Variants in EML5 observed in about 807,000 individuals in gnomAD.
EML5 encodes the protein EMAP like 5, also known as echinoderm microtubule-associated protein-like 5.
Under a neutral mutation model 250.0 loss-of-function variants are expected in EML5, and 120 were observed. The observed-to-expected ratio is 0.48, with a 90% CI of 0.41 to 0.56. The LOEUF is 0.56. Among genes scored for constraint, EML5 ranks in the 20% least tolerant of loss-of-function variants. The pLI, the probability that EML5 is intolerant of heterozygous loss-of-function variation, is 0.00. For synonymous variants in EML5, 771 were observed against 806.5 expected, an observed-to-expected ratio of 0.96 and a Z score of 0.75; for missense variants, 2,006 against 2,437.6, an observed-to-expected ratio of 0.82 and a Z score of 3.73.
intron 33 of EML5, among the ~76,000 whole-genome samples, chr14:88,628,260 T>G (rs1341419362): frequency 6.6e-6 from 1 of 152,022 alleles, no homozygotes; most frequent in Non-Finnish European, 1.5e-5. Flanking sequence ...CAGACACAAA[T>G]AGACAAAGGC....
rs976735096 is a variant in EML5 at position 88,612,899 on chromosome 14, C to T, written c.*2919G>A. ...TGGTGTATAGTGTTAAAAATTAAAG[C>T]TTAAAAGGTGGTTAGAAAAGTGGAT... On this transcript the variant is annotated 3_prime_UTR_variant, in exon 44 of 44. Transcript: ENST00000554922. 2.0e-5 allele frequency: 3 copies of T among 151,340 alleles called. No homozygotes were observed. The highest frequency in any genetic ancestry group is 7.3e-5 in the African/African-American group (3 of 41,014). 9.4% of individuals were successfully genotyped at this position (151,340 alleles called of 1,614,324 possible). A position where few individuals can be genotyped will look rare whatever the true frequency, so the allele number is the denominator to read the frequency against.
At chr14:88,709,462 G>A (rs1173365604) in intron 10 of EML5, among the ~76,000 whole-genome samples, 4 of 151,996 alleles carry the variant, frequency 2.6e-5, no homozygotes, top group Non-Finnish European at 5.9e-5. Context: ...GTTTGACAGA[G>A]GAGAAAACAC....
Position 88,690,188 on chromosome 14 carries a change from T to C in EML5, c.2540-1715A>G, listed in dbSNP as rs1389497495. ...GGGGAGACAGTAATGGGAAATGGGG[T>C]TGGAGAGGTCTAAGGCAGTACTGCA... On this transcript the variant is annotated intron_variant, in intron 17 of 43. Transcript: ENST00000554922. 3.3e-5 allele frequency among the ~76,000 whole-genome samples: 5 copies of C among 151,858 alleles called. No individual in the cohort carries two copies. The East Asian group carries it at 9.7e-4, about 29-fold the overall frequency.
At chr14:88,705,717 T>A (rs2093305683) in intron 11 of EML5, 129 bp from the exon 12 acceptor site, 1 of 723,066 alleles carries the variant, frequency 1.4e-6, no homozygotes, top group Non-Finnish European at 2.4e-6. Flanking sequence ...CAAATGAAAT[T>A]ACCTATTCAA....
intron 1 of EML5, among the ~76,000 whole-genome samples, chr14:88,777,356 G>T (rs1216620878): frequency 6.6e-6 from 1 of 152,138 alleles, no homozygotes; most frequent in East Asian, 1.9e-4. Flanking sequence ...CCCTCAACAT[G>T]AAGGAGAAAC....
rs930264048 is a variant in EML5, at chr14:88,704,056, G to A, written c.2051+804C>T. Among the ~76,000 whole-genome samples, 7 of 151,934 alleles carry A rather than the reference G, an allele frequency of 4.6e-5. No individual in the cohort carries two copies. In the East Asian group the frequency reaches 5.8e-4, roughly 13 times the overall value. On this transcript the variant is annotated intron_variant, in intron 13 of 43. Coordinates refer to ENST00000554922, the MANE Select transcript of EML5 (RefSeq NM_183387.3). ...GTAAGGTAGGTACTTGATATGATTC[G>A]GATATTTGTGCTGTCCAAATCCCAT...
chr14:88,695,029 A>G lies in EML5; in HGVS notation c.2438+332T>C, dbSNP rs543483281. Reference sequence around the variant, plus strand: ...TGCATATATATCTTTTTTCACTTTAATATATAATATAAGCATTTGAACATG... The same window carrying G: ...TGCATATATATCTTTTTTCACTTTAGTATATAATATAAGCATTTGAACATG... On this transcript the variant is annotated intron_variant, in intron 16 of 43. Coordinates refer to ENST00000554922, the MANE Select transcript of EML5 (RefSeq NM_183387.3). 8.5e-5 allele frequency among the ~76,000 whole-genome samples: 13 copies of G among 152,206 alleles called. No homozygotes were observed. In the South Asian group the frequency reaches 2.5e-3, roughly 29 times the overall value.
chr14:88,731,608 G>A lies in EML5; in HGVS notation c.1049+4756C>T, dbSNP rs1220930093. Among the ~76,000 whole-genome samples, 4 of 152,258 alleles carry A rather than the reference G, an allele frequency of 2.6e-5. No homozygotes were observed. The East Asian group carries it at 7.7e-4, about 29-fold the overall frequency. On this transcript the variant is annotated intron_variant, in intron 7 of 43. Transcript: ENST00000554922. ...CAGTAATGGGATGGCTGAGTGGAAT[G>A]GTATTTCTAGTTCTAGATCCTTGAG...
intron 8 of EML5, among the ~76,000 whole-genome samples, chr14:88,723,761 AC>A (rs1420492288): frequency 6.6e-6 from 1 of 152,216 alleles, no homozygotes; most frequent in African/African-American, 2.4e-5. Flanking sequence ...CTGGGGGGAC[AC>A]AAAAATAAAT....
chr14:88,641,086 C>G (rs1168652322), intron 31 of EML5, among the ~76,000 whole-genome samples: 1 of 152,040 alleles, frequency 6.6e-6, no homozygotes, highest in African/African-American at 2.4e-5. Context: ...AAATCTTAAA[C>G]AGACCAATAA....
chr14:88,646,603 T>C lies in EML5; in HGVS notation c.4028+344A>G, dbSNP rs982396724. ...TAATTTTTATCTATATAATCCTATA[T>C]AACAATTAACCACATTTTAATTTTT... On this transcript the variant is annotated intron_variant, in intron 29 of 43. Coordinates refer to ENST00000554922, the MANE Select transcript of EML5 (RefSeq NM_183387.3). Among the ~76,000 whole-genome samples, 2 of 152,172 alleles carry C rather than the reference T, an allele frequency of 1.3e-5. 1 individual carries two copies. The highest frequency in any genetic ancestry group is 3.8e-4 in the East Asian group (2 of 5,200).
intron 27 of EML5, among the ~76,000 whole-genome samples, chr14:88,653,064 G>A (rs1406592907): frequency 6.6e-6 from 1 of 152,136 alleles, no homozygotes; most frequent in African/African-American, 2.4e-5. Flanking sequence ...TGTAGCAGTT[G>A]TGAATGGGAG....
rs548838054 is a variant in EML5 at position 88,626,576 on chromosome 14, C to T, written c.4740+262G>A. ...AGGCTACAGTGAGCTATAATCGCAC[C>T]ATTGCACCCCAGCCCAGGCGACAGA... On this transcript the variant is annotated intron_variant, in intron 35 of 43. Coordinates refer to ENST00000554922, the MANE Select transcript of EML5 (RefSeq NM_183387.3). 1,097 of 430,664 alleles carry T rather than the reference C, an allele frequency of 2.5e-3. 23 individuals are homozygous for T. The South Asian group carries it at 0.027, about 11-fold the overall frequency. 26.7% of individuals were successfully genotyped at this position (430,664 alleles called of 1,614,324 possible). A position where few individuals can be genotyped will look rare whatever the true frequency, so the allele number is the denominator to read the frequency against.
chr14:88,755,172 T>C (rs1427175312), intron 1 of EML5, among the ~76,000 whole-genome samples: 2 of 152,234 alleles, frequency 1.3e-5, no homozygotes, highest in Non-Finnish European at 2.9e-5. Flanking sequence ...TCATAGAATA[T>C]GTGATAAACA....
At chr14:88,765,409 G>T (rs757062890) in intron 1 of EML5, among the ~76,000 whole-genome samples, 4 of 152,064 alleles carry the variant, frequency 2.6e-5, no homozygotes, top group African/African-American at 9.7e-5. Flanking sequence ...CCTCCTCAAG[G>T]CCAACTGCAT....
At chr14:88,747,893 C>A (rs1834029687) in intron 2 of EML5, among the ~76,000 whole-genome samples, 1 of 151,894 alleles carries the variant, frequency 6.6e-6, no homozygotes, top group African/African-American at 2.4e-5. Context: ...CCCCGACCCA[C>A]CCCTGCCATA....
At position 88,756,090 on chromosome 14, in the gene EML5, C is replaced by G. The variant is rs79599172; in HGVS notation, c.198-1419G>C. 8.9e-4 allele frequency among the ~76,000 whole-genome samples: 135 copies of G among 152,116 alleles called. 2 individuals are homozygous for G. In the East Asian group the frequency reaches 0.023, roughly 26 times the overall value. ...GGGAAGAGAGGGGTCTAAGATGACT[C>G]GGGTTTCTGGCTTGGGTATTTGAAT... is the stretch of plus-strand genomic sequence containing the variant. On this transcript the variant is annotated intron_variant, in intron 1 of 43. Coordinates refer to ENST00000554922, the MANE Select transcript of EML5 (RefSeq NM_183387.3).
intron 6 of EML5, among the ~76,000 whole-genome samples, chr14:88,738,300 C>A (rs1041761285): frequency 6.6e-6 from 1 of 151,666 alleles, no homozygotes; most frequent in South Asian, 2.1e-4. Context: ...GGTAAATTAC[C>A]AGCCCAAGGT....
chr14:88,655,591 G>A (rs560010228), intron 27 of EML5, among the ~76,000 whole-genome samples: 68 of 152,054 alleles, frequency 4.5e-4, no homozygotes, highest in African/African-American at 1.6e-3. Context: ...CTAAAACACT[G>A]ACAGCAATTG....
Sources: gnomAD v4.1 joint callset for allele counts (sites outside exome capture counted in the v4.1 genomes callset) on GRCh38, gnomAD v4.1.1 for gene constraint, MANE v1.5 for transcripts, NCBI Gene and HGNC (gene_info 2026-07-23, HGNC 2026-07-21) for gene names.